Variants in GPC1 observed in about 807,000 individuals in gnomAD.
GPC1 encodes the protein glypican-1.
Under a neutral mutation model 51.5 loss-of-function variants are expected in GPC1, and 26 were observed. The ratio of observed to expected loss-of-function variants is 0.50; its 90% CI spans 0.37 to 0.70. The LOEUF is 0.70. GPC1 is among the 30% of genes least tolerant of loss of function. The pLI, the probability that GPC1 is intolerant of heterozygous loss-of-function variation, is 0.00. For missense variants in GPC1, 775 were observed against 800.5 expected (o/e 0.97, Z 0.38); for synonymous variants, 380 against 348.3 (o/e 1.09, Z -1.01).
intron 1 of GPC1, among the ~76,000 whole-genome samples, chr2:240,440,112 G>A (rs74520714): frequency 0.019 from 2,818 of 152,290 alleles, 62 homozygotes; most frequent in African/African-American, 0.052. Flanking sequence ...AGGTGCTGGG[G>A]CTGTGCACCT....
chr2:240,459,936 C>T (rs933011356), intron 2 of GPC1, among the ~76,000 whole-genome samples: 2 of 152,122 alleles, frequency 1.3e-5, no homozygotes, highest in Admixed American at 6.5e-5. Flanking sequence ...TGTGTCCGGG[C>T]GGAGCCAGGG....
intron 1 of GPC1, among the ~76,000 whole-genome samples, chr2:240,447,309 C>G (rs1176436472): frequency 6.6e-6 from 1 of 152,202 alleles, no homozygotes; most frequent in Non-Finnish European, 1.5e-5. Flanking sequence ...TACCGGGACA[C>G]AGCAAAGTCC....
intron 1 of GPC1, chr2:240,455,057 A>G (rs769300124): frequency 3.3e-5 from 6 of 181,356 alleles, no homozygotes; most frequent in Admixed American, 2.0e-4. Context: ...CTTAGTGAGG[A>G]GCAGCAGAGT....
At chr2:240,453,847 G>A (rs1333010849) in intron 1 of GPC1, among the ~76,000 whole-genome samples, 1 of 152,048 alleles carries the variant, frequency 6.6e-6, no homozygotes, top group Non-Finnish European at 1.5e-5. Flanking sequence ...CGGTGCCGCC[G>A]AGCCTTTGTT....
At chr2:240,444,064 C>T (rs577731691) in intron 1 of GPC1, among the ~76,000 whole-genome samples, 3 of 152,308 alleles carry the variant, frequency 2.0e-5, no homozygotes, top group East Asian at 1.9e-4. Context: ...TGAGGGGCAC[C>T]GGGAGCGCAC....
Position 240,466,702 on chromosome 2 carries a change from G to T in GPC1, c.*412G>T. 1 of 178,166 alleles carries T rather than the reference G, an allele frequency of 5.6e-6. No homozygotes were observed. The highest frequency in any genetic ancestry group is 1.2e-5 in the Non-Finnish European group (1 of 85,892). The allele number at this position is 178,166 out of a possible 1,614,324, so 11.0% of individuals were successfully genotyped here. A position where few individuals can be genotyped will look rare whatever the true frequency, so the allele number is the denominator to read the frequency against. ...TCCTCCCACTGGGACTCCCAGCAGA[G>T]CCCACCAGCCAGCCCTGGCCCACCC... is the stretch of plus-strand genomic sequence containing the variant. On this transcript the variant is annotated 3_prime_UTR_variant, in exon 9 of 9. Transcript: ENST00000264039.
chr2:240,461,682 G>C (rs550802370), intron 2 of GPC1, among the ~76,000 whole-genome samples: 1 of 152,150 alleles, frequency 6.6e-6, no homozygotes, highest in African/African-American at 2.4e-5. Flanking sequence ...AAGCCTAGGA[G>C]AGCAGCCGAG....
At position 240,464,698 on chromosome 2, in the gene GPC1, G is replaced by A. The variant is rs201081083; in HGVS notation, c.966G>A (p.Ala322=). The A allele has an allele frequency of 1.8e-5, 29 of 1,612,284 alleles. No individual in the cohort carries two copies. The highest frequency in any genetic ancestry group is 4.0e-5 in the African/African-American group (3 of 74,888). The part of the protein sequence containing the change: ...SVIGSVHTWL[A]EAINALQDNR... The stretch of plus-strand genomic sequence containing the variant: ...TCGGCAGCGTGCACACGTGGCTGGC[G>A]GAGGCCATCAACGCCCTCCAGGACA... The change falls in exon 5 of 9, where the codon GCG becomes GCA. Residue 322 remains alanine, a synonymous_variant. Transcript: ENST00000264039.
Position 240,462,260 on chromosome 2 carries a change from A to G in GPC1, c.395A>G (p.Glu132Gly). The change falls in exon 3 of 9, where the codon GAG becomes GGG. Residue 132 changes from glutamate (E) to glycine (G), a missense_variant. Glu to Gly is a moderately conservative substitution (Grantham distance 98). Transcript: ENST00000264039. ...LQATFPGAFG[E>G]LYTQNARAFR... Reference sequence around the variant, plus strand: ...GCCACCTTCCCCGGCGCCTTCGGAGAGCTGTACACGCAGAACGCGAGGGCC... The same window carrying G: ...GCCACCTTCCCCGGCGCCTTCGGAGGGCTGTACACGCAGAACGCGAGGGCC... 1.9e-6 allele frequency: 3 copies of G among 1,610,658 alleles called. No homozygotes were observed. The highest frequency in any genetic ancestry group is 2.5e-6 in the Non-Finnish European group (3 of 1,178,908).
intron 2 of GPC1, among the ~76,000 whole-genome samples, chr2:240,461,149 G>C (rs1441500188): frequency 6.6e-6 from 1 of 152,234 alleles, no homozygotes; most frequent in Non-Finnish European, 1.5e-5. Flanking sequence ...CAGGCGCCAG[G>C]ACCCAAGGTG....
At chr2:240,450,400 A>G (rs2074086878) in intron 1 of GPC1, 1 of 351,950 alleles carries the variant, frequency 2.8e-6, no homozygotes, top group Non-Finnish European at 5.7e-6. Flanking sequence ...GGGGGATGCT[A>G]AGGCTGTTCC....
rs750185533 is a variant in GPC1 at position 240,465,222 on chromosome 2, C to A, written c.1268+12C>A. On this transcript the variant is annotated intron_variant, in intron 7 of 8. Coordinates refer to ENST00000264039, the MANE Select transcript of GPC1 (RefSeq NM_002081.3). The stretch of plus-strand genomic sequence containing the variant: ...ATGGCCAGAGGCCGGTAGGTGCCCA[C>A]CTGGCTGGCACAGCCCTCCCTCCCA... 1.9e-6 allele frequency: 3 copies of A among 1,597,222 alleles called. No individual in the cohort carries two copies. The highest frequency in any genetic ancestry group is 2.7e-5 in the African/African-American group (2 of 74,744).
chr2:240,457,203 A>G (rs2074173686), intron 1 of GPC1, among the ~76,000 whole-genome samples: 1 of 152,106 alleles, frequency 6.6e-6, no homozygotes, highest in South Asian at 2.1e-4. Flanking sequence ...TCCAGAACTC[A>G]GACAGGAAAA....
intron 8 of GPC1, among the ~76,000 whole-genome samples, 162 bp from the exon 9 acceptor site, chr2:240,465,896 A>G (rs1371788204): frequency 6.6e-6 from 1 of 152,082 alleles, no homozygotes; most frequent in Non-Finnish European, 1.5e-5. Flanking sequence ...CCAGGGAGTG[A>G]GAGTCTCCCA....
intron 8 of GPC1, 105 bp downstream of exon 8, chr2:240,465,753 C>T (rs908654050): frequency 1.2e-5 from 11 of 916,610 alleles, no homozygotes; most frequent in East Asian, 5.2e-5. Context: ...CCCTCTGCTC[C>T]GGCATCACCA....
rs113832391 is a variant in GPC1, at chr2:240,467,728, A to C, written c.*1438A>C. ...GTCCCCGGTTGCTGGTCAGGTCCCC[A>C]TGGCTTGTTCTCTGGAACCTGACTT... On this transcript the variant is annotated 3_prime_UTR_variant, in exon 9 of 9. Coordinates refer to ENST00000264039, the MANE Select transcript of GPC1 (RefSeq NM_002081.3). The C allele has an allele frequency of 6.6e-6, 1 of 152,270 alleles. No individual in the cohort carries two copies. The highest frequency in any genetic ancestry group is 2.4e-5 in the African/African-American group (1 of 41,440). The allele number at this position is 152,270 out of a possible 1,614,324, so 9.4% of individuals were successfully genotyped here. A position where few individuals can be genotyped will look rare whatever the true frequency, so the allele number is the denominator to read the frequency against.
chr2:240,462,040 AGG>A, intron 2 of GPC1, 149 bp from the exon 3 acceptor site: 1 of 757,916 alleles, frequency 1.3e-6, no homozygotes, highest in Non-Finnish European at 2.0e-6. Flanking sequence ...GGATGCCCAC[AGG>A]GCCCACAGCC....
At chr2:240,440,611 C>T (rs1426170235) in intron 1 of GPC1, among the ~76,000 whole-genome samples, 1 of 101,528 alleles carries the variant, frequency 9.8e-6, no homozygotes, top group Non-Finnish European at 2.1e-5. Flanking sequence ...CCAGCTCCTC[C>T]TGGCCTCCCT....
intron 1 of GPC1, chr2:240,449,927 G>A: frequency 2.1e-6 from 1 of 470,030 alleles, no homozygotes; most frequent in Non-Finnish European, 4.4e-6. Flanking sequence ...TGCACCTACA[G>A]ACAGTTTGTG....
Sources: allele counts gnomAD v4.1 joint callset (sites outside exome capture counted in the v4.1 genomes callset), GRCh38; gene constraint gnomAD v4.1.1; transcripts MANE v1.5; gene names NCBI Gene and HGNC (gene_info 2026-07-23, HGNC 2026-07-21).